KRT10: variants seen among roughly 807,000 people sequenced by gnomAD.
The protein encoded by KRT10 is keratin 10.
In KRT10, 40 loss-of-function variants were observed where a neutral mutation model predicts 59.2. The ratio of observed to expected loss-of-function variants is 0.68; its 90% CI spans 0.52 to 0.88. The LOEUF (loss-of-function observed/expected upper bound fraction) is 0.88, where lower values mean the gene tolerates loss of function less well. Ranked by LOEUF, KRT10 falls within the 40% of genes least tolerant of loss-of-function variation. The probability of loss-of-function intolerance (pLI) is 0.00; values close to 1 mark genes in which losing one functional copy is unlikely to be tolerated. For synonymous variants in KRT10, 336 were observed against 310.7 expected, an observed-to-expected ratio of 1.08 and a Z score of -0.86; for missense variants, 719 against 749.1, an observed-to-expected ratio of 0.96 and a Z score of 0.47.
In KRT10 at chr17:40,819,064, G is replaced by A. The variant is rs1457608612; in HGVS notation, c.1471C>T (p.His491Tyr). The A allele has an allele frequency of 1.3e-5, 9 of 700,112 alleles. No homozygotes were observed. The highest frequency in any genetic ancestry group is 2.2e-5 in the African/African-American group (1 of 46,138). 43.4% of individuals were successfully genotyped at this position (700,112 alleles called of 1,614,324 possible). The change falls in exon 7 of 8, where the codon CAC becomes TAC. Residue 491 changes from histidine (H) to tyrosine (Y), a missense_variant. His to Tyr is a moderately conservative substitution (Grantham distance 83, BLOSUM62 2). Transcript: ENST00000269576. ...TAGCCGCCGCCGGAACTGCCGCCGTGGCCGCCGCCGTGGCCGCCGCCGGAG... is the reference window on the plus strand; with the variant it reads ...TAGCCGCCGCCGGAACTGCCGCCGTAGCCGCCGCCGTGGCCGCCGCCGGAG... ...GSSGGGHGGG[H>Y]GGSSGGGYGG... is the part of the protein sequence containing the mutation.
In KRT10 at chr17:40,818,867, TCCGCCGCCGGAGCTGCTG is replaced by T. The variant is rs766129021; in HGVS notation, c.1650_1667del (p.Ser551_Gly556del). 191 of 1,535,728 alleles carry T rather than the reference TCCGCCGCCGGAGCTGCTG, an allele frequency of 1.2e-4. No homozygotes were observed. The highest frequency in any genetic ancestry group is 6.8e-4 in the Middle Eastern group (4 of 5,866). On this transcript the variant is annotated inframe_deletion, in exon 7 of 8. Coordinates refer to ENST00000269576, the MANE Select transcript of KRT10 (RefSeq NM_000421.5). Reference sequence around the variant, plus strand: ...CTCCGCTGGAGCTGCCGCCGCCGTATCCGCCGCCGGAGCTGCTGCCGCCGCCGGAGCTGCCGCCCCCGT... The same window carrying T: ...CTCCGCTGGAGCTGCCGCCGCCGTATCCGCCGCCGGAGCTGCCGCCCCCGT...
At chr17:40,821,588 G>A (rs758112526) in intron 1 of KRT10, among the ~76,000 whole-genome samples, 3 of 152,026 alleles carry the variant, frequency 2.0e-5, no homozygotes, top group Non-Finnish European at 2.9e-5. Context: ...TGCCATGTTG[G>A]TACTGAATAT....
rs1283281801 is a variant in KRT10, at chr17:40,818,595, A to G, written c.1749-113T>C. On this transcript the variant is annotated intron_variant, in intron 7 of 7. Coordinates refer to ENST00000269576, the MANE Select transcript of KRT10 (RefSeq NM_000421.5). ...CAACTTTACATTGTTAAGCCCAAAA[A>G]AATGCTTAAGGTATGACATTTTGAT... The G allele has an allele frequency of 3.2e-6, 4 of 1,266,606 alleles. No homozygotes were observed. In the East Asian group the frequency reaches 7.2e-5, roughly 23 times the overall value. The allele number at this position is 1,266,606 out of a possible 1,614,324, so 78.5% of individuals were successfully genotyped here. A position where few individuals can be genotyped will look rare whatever the true frequency, so the allele number is the denominator to read the frequency against.
intron 6 of KRT10, 145 bp from the exon 7 acceptor site, chr17:40,819,306 A>T: frequency 6.7e-7 from 1 of 1,490,218 alleles, no homozygotes; most frequent in Non-Finnish European, 9.0e-7. Flanking sequence ...CCATCCTTTG[A>T]AAACAATGTT....
At chr17:40,818,706 C>T in intron 7 of KRT10, 81 bp downstream of exon 7, 2 of 1,592,790 alleles carry the variant, frequency 1.3e-6, no homozygotes, top group Non-Finnish European at 1.7e-6. Context: ...TTTTTTAAAA[C>T]AACTCTAGAG....
intron 7 of KRT10, 48 bp from the exon 8 acceptor site, chr17:40,818,530 T>C (rs376607945): frequency 6.8e-5 from 89 of 1,304,098 alleles, no homozygotes; most frequent in East Asian, 6.7e-4. Context: ...TAGGGATCCT[T>C]AGTAATTAAC....
chr17:40,820,131 A>T lies in KRT10; in HGVS notation c.1073T>A (p.Ile358Lys). ...AGTAATCTCAGATTTATAGCTGGATATCTGTTCAATGTTATTATCAATTTC... is the reference window on the plus strand; with the variant it reads ...AGTAATCTCAGATTTATAGCTGGATTTCTGTTCAATGTTATTATCAATTTC... ...TTEIDNNIEQ[I>K]SSYKSEITEL... The change falls in exon 5 of 8, where the codon ATA (isoleucine) becomes AAA (lysine). Residue 358 changes from isoleucine to lysine, a missense_variant. By Grantham distance (102) the Ile-to-Lys change is moderately radical (BLOSUM62 -3). This residue lies in a region of KRT10 where 221 missense variants were observed against 277.8 expected (regional missense o/e 0.80). Transcript: ENST00000269576. 6.2e-7 allele frequency: 1 copy of T among 1,613,816 alleles called. No individual in the cohort carries two copies. The highest frequency in any genetic ancestry group is 1.1e-5 in the South Asian group (1 of 91,064).
chr17:40,818,514 A>C (rs778622499), intron 7 of KRT10, 32 bp from the exon 8 acceptor site: 5 of 1,403,306 alleles, frequency 3.6e-6, no homozygotes, highest in Admixed American at 1.7e-5. Context: ...AATTTTAAAC[A>C]GTCTGTAGGG....
At chr17:40,820,753 A>G in intron 2 of KRT10, 86 bp from the exon 3 acceptor site, 3 of 1,389,036 alleles carry the variant, frequency 2.2e-6, no homozygotes, top group Non-Finnish European at 3.0e-6. Flanking sequence ...GCAGCTACAT[A>G]GTTGATCTCA....
In KRT10 at chr17:40,820,389, T is replaced by A; in HGVS notation, c.902A>T (p.Asp301Val). The change falls in exon 4 of 8, where the codon GAT (aspartate) becomes GTT (valine). Residue 301 changes from aspartate to valine, a missense_variant. Asp to Val is a radical substitution (Grantham distance 152). Around this residue, in one of 4 missense-constraint regions of KRT10, gnomAD observed 221 missense variants for 277.8 expected, o/e 0.80. Transcript: ENST00000269576. Reference sequence around the variant, plus strand: ...GGCAGCATTCATTTCCACATTCACATCACCAGTGGACACATTTCGAAGGTC... The same window carrying A: ...GGCAGCATTCATTTCCACATTCACAACACCAGTGGACACATTTCGAAGGTC... ...MKDLRNVSTGDVNVEMNAAPG... is the reference protein window; with the variant it reads ...MKDLRNVSTGVVNVEMNAAPG... 1 of 1,614,208 alleles carries A rather than the reference T, an allele frequency of 6.2e-7. No individual in the cohort carries two copies. Among genetic ancestry groups the A allele is most frequent in the South Asian group, 1.1e-5 (1 of 91,088 alleles).
chr17:40,818,636 G>A, intron 7 of KRT10, 151 bp downstream of exon 7: 1 of 1,364,230 alleles, frequency 7.3e-7, no homozygotes, highest in Non-Finnish European at 1.0e-6. Flanking sequence ...CATTTTTCAC[G>A]GCTGGTGTTA....
In KRT10 at chr17:40,818,859, C is replaced by T; in HGVS notation, c.1676G>A (p.Gly559Asp). The T allele has an allele frequency of 3.9e-6, 6 of 1,552,506 alleles. No homozygotes were observed. The highest frequency in any genetic ancestry group is 5.2e-6 in the Non-Finnish European group (6 of 1,156,222). ...GGSSSGGGYG[G>D]GSSSGGHKSS... Reference sequence around the variant, plus strand: ...CTTGTGGCCTCCGCTGGAGCTGCCGCCGCCGTATCCGCCGCCGGAGCTGCT... The same window carrying T: ...CTTGTGGCCTCCGCTGGAGCTGCCGTCGCCGTATCCGCCGCCGGAGCTGCT... Residue 559 changes from glycine (G) to aspartate (D), a missense_variant, in exon 7 of 8, where the codon GGC becomes GAC. Physicochemically the swap from Gly to Asp is moderately conservative, Grantham distance 94. Transcript: ENST00000269576.
chr17:40,818,848 TGGAGCTGCCGCCGCCGTATCCGCCGCC>T lies in KRT10; in HGVS notation c.1660_1686del (p.Gly554_Ser562del), dbSNP rs1567705626. ...GAAGAGGAGGACTTGTGGCCTCCGC[TGGAGCTGCCGCCGCCGTATCCGCCGCC>T]GGAGCTGCTGCCGCCGCCGGAGCTG... On this transcript the variant is annotated inframe_deletion, in exon 7 of 8. Coordinates refer to ENST00000269576, the MANE Select transcript of KRT10 (RefSeq NM_000421.5). The T allele has an allele frequency of 6.8e-6, 8 of 1,175,492 alleles. No individual in the cohort carries two copies. Among genetic ancestry groups the T allele is most frequent in the African/African-American group, 3.0e-5 (1 of 33,366 alleles). The allele number at this position is 1,175,492 out of a possible 1,614,324, so 72.8% of individuals were successfully genotyped here.
In KRT10 at chr17:40,818,884, T is replaced by TAGCCGCCGCC; in HGVS notation, c.1650_1651insGGCGGCGGCT (p.Ser551GlyfsTer4). 6.6e-7 allele frequency: 1 copy of TAGCCGCCGCC among 1,514,886 alleles called. No homozygotes were observed. The highest frequency in any genetic ancestry group is 8.8e-7 in the Non-Finnish European group (1 of 1,137,820). 93.8% of individuals were successfully genotyped at this position (1,514,886 alleles called of 1,614,324 possible). A position where few individuals can be genotyped will look rare whatever the true frequency, so the allele number is the denominator to read the frequency against. On this transcript the variant is annotated frameshift_variant, in exon 7 of 8. Coordinates refer to ENST00000269576, the MANE Select transcript of KRT10 (RefSeq NM_000421.5). LOFTEE classifies it high-confidence loss of function. ...CCGCCGTATCCGCCGCCGGAGCTGC[T>TAGCCGCCGCC]GCCGCCGCCGGAGCTGCCGCCCCCG...
intron 1 of KRT10, 33 bp downstream of exon 1, chr17:40,821,926 A>G: frequency 6.2e-7 from 1 of 1,608,984 alleles, no homozygotes; most frequent in South Asian, 1.1e-5. Context: ...CATGGACAAG[A>G]TACTTAAAGC....
At chr17:40,819,904 G>A (rs907567523) in intron 5 of KRT10, 145 bp downstream of exon 5, 13 of 1,131,778 alleles carry the variant, frequency 1.1e-5, no homozygotes, top group Non-Finnish European at 1.5e-5. Flanking sequence ...AACACTAGTA[G>A]TACTTTTCCT....
Position 40,819,081 on chromosome 17 carries a change from C to A in KRT10, c.1454G>T (p.Gly485Val). The A allele has an allele frequency of 7.0e-7, 1 of 1,425,934 alleles. No homozygotes were observed. The highest frequency in any genetic ancestry group is 9.2e-7 in the Non-Finnish European group (1 of 1,084,988). The allele number at this position is 1,425,934 out of a possible 1,614,324, so 88.3% of individuals were successfully genotyped here. Residue 485 changes from glycine to valine, a missense_variant, in exon 7 of 8, where the codon GGC becomes GTC. By Grantham distance (109) the Gly-to-Val change is moderately radical (BLOSUM62 -3). Around this residue, in one of 4 missense-constraint regions of KRT10, gnomAD observed 315 missense variants for 270.6 expected, o/e 1.16. Coordinates refer to ENST00000269576, the MANE Select transcript of KRT10 (RefSeq NM_000421.5). Reference sequence around the variant, plus strand: ...GCCGCCGTGGCCGCCGCCGTGGCCGCCGCCGGAGCTTCCGCCGCCGGAGCT... The same window carrying A: ...GCCGCCGTGGCCGCCGCCGTGGCCGACGCCGGAGCTTCCGCCGCCGGAGCT... ...GGSSGGGSSG[G>V]GHGGGHGGSS...
At position 40,819,660 on chromosome 17, in the gene KRT10, C is replaced by T; in HGVS notation, c.1230G>A (p.Gln410=). The part of the protein sequence containing the change: ...YCVQLSQIQA[Q]ISALEEQLQQ... ...GCAACTGTTCTTCCAGAGCGGATAT[C>T]TGGGCCTGAATCTGTGAGAGCTGCA... Residue 410 remains glutamine (Q), a synonymous_variant, in exon 6 of 8, where the codon CAG becomes CAA. Coordinates refer to ENST00000269576, the MANE Select transcript of KRT10 (RefSeq NM_000421.5). 1 of 1,614,196 alleles carries T rather than the reference C, an allele frequency of 6.2e-7. No individual in the cohort carries two copies. Among genetic ancestry groups the T allele is most frequent in the Non-Finnish European group, 8.5e-7 (1 of 1,180,036 alleles).
chr17:40,820,690 A>G, intron 2 of KRT10, 23 bp from the exon 3 acceptor site: 2 of 1,613,356 alleles, frequency 1.2e-6, no homozygotes, highest in Non-Finnish European at 1.7e-6. Context: ...TGATATCAAT[A>G]CTGGTTATAA....
Sources: allele counts gnomAD v4.1 joint callset (sites outside exome capture counted in the v4.1 genomes callset), GRCh38; gene constraint gnomAD v4.1.1; regional missense constraint gnomAD v4.1.1; transcripts MANE v1.5; gene names NCBI Gene and HGNC (gene_info 2026-07-23, HGNC 2026-07-21).